The following AK7 variants were observed in gnomAD, a reference collection of about 807,000 sequenced individuals.
The protein encoded by AK7 is ATP-AMP transphosphorylase 7.
A neutral mutation model predicts 96.6 loss-of-function variants in AK7; 78 were observed. That is an observed-to-expected ratio of 0.81 (90% confidence interval 0.67 to 0.97). The LOEUF (loss-of-function observed/expected upper bound fraction) is 0.97, where lower values mean the gene tolerates loss of function less well. Ranked by LOEUF, AK7 falls within the 50% of genes least tolerant of loss-of-function variation. The probability of loss-of-function intolerance (pLI) is 0.00; values close to 1 mark genes in which losing one functional copy is unlikely to be tolerated. For missense variants in AK7, 855 were observed against 887.9 expected (o/e 0.96, Z 0.47); for synonymous variants, 302 against 317.2 (o/e 0.95, Z 0.51).
rs11449244 is a variant in AK7, at chr14:96,419,784, C to CTTTTTTTTTTTTTTTTTTTTTTT, written c.499-1034_499-1033insTTTTTTTTTTTTTTTTTTTTTTT. ...TCTCCTAAAGCATTTTTTTTTCTTT[C>CTTTTTTTTTTTTTTTTTTTTTTT]TTTTCTTTTTTTTTTTTTTTTGAGA... On this transcript the variant is annotated intron_variant, in intron 4 of 17. Transcript: ENST00000267584. 2.0e-5 allele frequency among the ~76,000 whole-genome samples: 2 copies of CTTTTTTTTTTTTTTTTTTTTTTT among 101,714 alleles called. 1 individual carries two copies. The highest frequency in any genetic ancestry group is 3.7e-5 in the Non-Finnish European group (2 of 54,158). 66.7% of individuals were successfully genotyped at this position (101,714 alleles called of 152,430 possible). A position where few individuals can be genotyped will look rare whatever the true frequency, so the allele number is the denominator to read the frequency against.
At position 96,446,569 on chromosome 14, in the gene AK7, G is replaced by A; in HGVS notation, c.832G>A (p.Val278Met). The A allele has an allele frequency of 1.2e-6, 2 of 1,614,156 alleles. No homozygotes were observed. Among genetic ancestry groups the A allele is most frequent in the Non-Finnish European group, 1.7e-6 (2 of 1,180,028 alleles). The change falls in exon 8 of 18, where the codon GTG becomes ATG. Residue 278 changes from valine (V) to methionine (M), a missense_variant. By Grantham distance (21) the Val-to-Met change is conservative. Transcript: ENST00000267584. The part of the protein sequence containing the change: ...HVPKPHYLVA[V>M]DESVHTLEDI... ...GCCAAAGCCTCACTACCTGGTTGCTGTGGATGAGTCTGTTCATACCCTGGA... is the reference window on the plus strand; with the variant it reads ...GCCAAAGCCTCACTACCTGGTTGCTATGGATGAGTCTGTTCATACCCTGGA...
At chr14:96,424,346 T>C (rs1891900717) in intron 5 of AK7, 5 of 339,072 alleles carry the variant, frequency 1.5e-5, no homozygotes, top group Non-Finnish European at 2.7e-5. Flanking sequence ...ATTTTACTCA[T>C]GGTATCTTAT....
chr14:96,471,471 T>C lies in AK7; in HGVS notation c.1358-7T>C, dbSNP rs200599206. 18 of 1,389,068 alleles carry C rather than the reference T, an allele frequency of 1.3e-5. No homozygotes were observed. In the East Asian group the frequency reaches 4.3e-4, roughly 33 times the overall value. The allele number at this position is 1,389,068 out of a possible 1,614,324, so 86.0% of individuals were successfully genotyped here. A position where few individuals can be genotyped will look rare whatever the true frequency, so the allele number is the denominator to read the frequency against. On this transcript the variant is annotated splice_polypyrimidine_tract_variant and splice_region_variant and intron_variant, in intron 12 of 17. Transcript: ENST00000267584. ...AAGTAATATATACATATATGTTTTT[T>C]TATCAGGTCAACTAGACGATCAATA...
intron 4 of AK7, among the ~76,000 whole-genome samples, chr14:96,412,524 G>A (rs1331558186): frequency 1.4e-5 from 2 of 143,722 alleles, no homozygotes; most frequent in Non-Finnish European, 3.1e-5. Flanking sequence ...CACTGCGCCC[G>A]GCCGTGACTC....
chr14:96,467,120 T>A (rs1344369936), intron 12 of AK7, among the ~76,000 whole-genome samples: 1 of 151,012 alleles, frequency 6.6e-6, no homozygotes, highest in African/African-American at 2.4e-5. Context: ...AGAGATTACA[T>A]AAGAATTTTG....
intron 15 of AK7, among the ~76,000 whole-genome samples, chr14:96,479,177 C>T (rs1475312537): frequency 1.3e-5 from 2 of 151,566 alleles, no homozygotes; most frequent in Admixed American, 6.6e-5. Flanking sequence ...CCCGGGTTCA[C>T]GCCATTCTCC....
chr14:96,477,363 G>A (rs543049989), intron 14 of AK7, among the ~76,000 whole-genome samples: 2 of 152,288 alleles, frequency 1.3e-5, no homozygotes, highest in South Asian at 4.1e-4. Flanking sequence ...GCAAGTAAAC[G>A]AGAATGGCAT....
intron 16 of AK7, among the ~76,000 whole-genome samples, chr14:96,485,769 C>G (rs1029083071): frequency 1.3e-5 from 2 of 151,654 alleles, no homozygotes; most frequent in Non-Finnish European, 2.9e-5. Context: ...AGAAAGACCT[C>G]CTTTCAAACA....
chr14:96,472,640 G>T (rs61544779), intron 13 of AK7, 47 bp from the exon 14 acceptor site: 1 of 1,508,840 alleles, frequency 6.6e-7, no homozygotes, highest in South Asian at 1.2e-5. Flanking sequence ...GTGATCCATA[G>T]TAATAATATA....
intron 15 of AK7, among the ~76,000 whole-genome samples, chr14:96,479,372 T>G (rs117930642): frequency 0.013 from 2,016 of 150,256 alleles, 23 homozygotes; most frequent in Non-Finnish European, 0.02. Context: ...CCACCGTGCC[T>G]GGCCGACAAA....
rs573408750 is a variant in AK7, at chr14:96,399,194, G to T, written c.294+931G>T. The stretch of plus-strand genomic sequence containing the variant: ...ACTGACTGTCAGCTCCTTGAGGGTG[G>T]AGACCGTGACTTGTTTATCCCTGTG... On this transcript the variant is annotated intron_variant, in intron 2 of 17. Transcript: ENST00000267584. The surrounding 1 kb of genome is among the most constrained non-coding windows in gnomAD (Gnocchi z 4.1). 1 of 152,184 alleles carries T rather than the reference G, an allele frequency of 6.6e-6. No individual in the cohort carries two copies. Among genetic ancestry groups the T allele is most frequent in the African/African-American group, 2.4e-5 (1 of 41,396 alleles). The allele number at this position is 152,184 out of a possible 1,614,324, so 9.4% of individuals were successfully genotyped here.
At chr14:96,454,482 C>A (rs7147463) in intron 10 of AK7, among the ~76,000 whole-genome samples, 82,210 of 150,650 alleles carry the variant, frequency 0.55, 22,726 homozygotes, top group East Asian at 0.69. Context: ...ATTAGAATAA[C>A]TTTTTTAAAA....
intron 5 of AK7, among the ~76,000 whole-genome samples, chr14:96,424,569 A>G (rs954434336): frequency 5.3e-5 from 8 of 152,200 alleles, no homozygotes; most frequent in African/African-American, 1.7e-4. Context: ...GTGAACGCTA[A>G]TAATAGTTCT....
At chr14:96,431,991 G>T (rs1892378702) in intron 5 of AK7, among the ~76,000 whole-genome samples, 1 of 152,124 alleles carries the variant, frequency 6.6e-6, no homozygotes. Flanking sequence ...TTGTTGAATT[G>T]ATCTCTTTAC....
chr14:96,448,630 T>TAAAA lies in AK7; in HGVS notation c.871-1141_871-1138dup, dbSNP rs71103528. Reference sequence around the variant, plus strand: ...GGGCAATAGAACAAGACCCTATCTCTAAAAAAAAAAAAAAAAAAAAAAAAA... The same window carrying TAAAA: ...GGGCAATAGAACAAGACCCTATCTCTAAAAAAAAAAAAAAAAAAAAAAAAAAAAA... On this transcript the variant is annotated intron_variant, in intron 8 of 17. Coordinates refer to ENST00000267584, the MANE Select transcript of AK7 (RefSeq NM_152327.5). Among the ~76,000 whole-genome samples the TAAAA allele has an allele frequency of 8.7e-4, 65 of 74,886 alleles. 2 individuals are homozygous for TAAAA. The highest frequency in any genetic ancestry group is 1.4e-3 in the East Asian group (3 of 2,210). 49.1% of individuals were successfully genotyped at this position (74,886 alleles called of 152,430 possible).
intron 5 of AK7, among the ~76,000 whole-genome samples, chr14:96,434,406 G>A (rs1182015795): frequency 7.3e-6 from 1 of 136,660 alleles, no homozygotes; most frequent in Non-Finnish European, 1.6e-5. Context: ...CAAATATACA[G>A]TCTCTCTGTC....
rs550784356 is a variant in AK7 at position 96,456,555 on chromosome 14, A to C, written c.1227+80A>C. ...AGGGTATAAAGATGTATATGATTCGAATTAGCCAGCTGGATGCAGTTTAGA... is the reference window on the plus strand; with the variant it reads ...AGGGTATAAAGATGTATATGATTCGCATTAGCCAGCTGGATGCAGTTTAGA... On this transcript the variant is annotated intron_variant, in intron 11 of 17. Transcript: ENST00000267584. 1.2e-5 allele frequency: 18 copies of C among 1,508,162 alleles called. No individual in the cohort carries two copies. In the African/African-American group the frequency reaches 2.1e-4, roughly 17 times the overall value. 93.4% of individuals were successfully genotyped at this position (1,508,162 alleles called of 1,614,324 possible).
At chr14:96,417,308 C>T (rs1425248129) in intron 4 of AK7, among the ~76,000 whole-genome samples, 2 of 152,144 alleles carry the variant, frequency 1.3e-5, no homozygotes, top group East Asian at 1.9e-4. Flanking sequence ...AATATGAAGA[C>T]AAGCTTGTAC....
intron 16 of AK7, among the ~76,000 whole-genome samples, chr14:96,485,541 C>T (rs374177629): frequency 2.0e-5 from 3 of 152,172 alleles, no homozygotes; most frequent in Admixed American, 6.5e-5. Flanking sequence ...AGGTAATATA[C>T]GTAAACTATG....
Sources: gnomAD v4.1 joint callset for allele counts (sites outside exome capture counted in the v4.1 genomes callset) on GRCh38, gnomAD v4.1.1 for gene constraint, Gnocchi (gnomAD v3.1) non-coding constraint, MANE v1.5 for transcripts, NCBI Gene and HGNC (gene_info 2026-07-23, HGNC 2026-07-21) for gene names.